Variants in NRXN1 observed in about 807,000 individuals in gnomAD.
NRXN1 encodes neurexin-1.
NRXN1 carries 39 observed loss-of-function variants against 150.9 expected under a neutral mutation model. The ratio of observed to expected loss-of-function variants is 0.26; its 90% confidence interval spans 0.20 to 0.34. The LOEUF is 0.34. NRXN1 is among the 10% of genes least tolerant of loss of function. NRXN1 has a pLI of 1.00. For synonymous variants in NRXN1, 924 were observed against 757.0 expected (o/e 1.22, Z -3.62); for missense variants, 1,815 against 1,949.9 (o/e 0.93, Z 1.30).
chr2:50,302,570 C>T (rs745308122), intron 17 of NRXN1, among the ~76,000 whole-genome samples: 144 of 152,206 alleles, frequency 9.5e-4, no homozygotes, highest in African/African-American at 1.5e-3. Flanking sequence ...ATTTGGAAAG[C>T]GTGTTGCAGT....
At chr2:50,676,711 A>G (rs1689597204) in intron 5 of NRXN1, among the ~76,000 whole-genome samples, 1 of 152,164 alleles carries the variant, frequency 6.6e-6, no homozygotes, top group Non-Finnish European at 1.5e-5. Context: ...ATCAGAATAT[A>G]TATAAGCACT....
chr2:50,953,467 C>A (rs545037187), intron 2 of NRXN1, among the ~76,000 whole-genome samples: 4 of 152,054 alleles, frequency 2.6e-5, no homozygotes, highest in African/African-American at 9.7e-5. Flanking sequence ...ACACATCATA[C>A]ATCATGTGAA....
chr2:49,997,130 G>A (rs17039606), intron 21 of NRXN1, among the ~76,000 whole-genome samples: 15,535 of 152,140 alleles, frequency 0.1, 845 homozygotes, highest in Middle Eastern at 0.21. Flanking sequence ...AACACAGTAC[G>A]TTTGAAATAC....
intron 15 of NRXN1, among the ~76,000 whole-genome samples, chr2:50,477,441 GGTTGGA>G (rs2090080531): frequency 6.6e-6 from 1 of 152,118 alleles, no homozygotes; most frequent in Non-Finnish European, 1.5e-5. Context: ...AGGGAACGGA[GGTTGGA>G]GCTTAGAGGC....
intron 5 of NRXN1, among the ~76,000 whole-genome samples, chr2:50,800,319 A>C (rs1397621182): frequency 1.3e-5 from 2 of 152,140 alleles, no homozygotes; most frequent in African/African-American, 4.8e-5. Flanking sequence ...TCCTCTATTC[A>C]CACCAGGTTA....
rs941359156 is a variant in NRXN1, at chr2:50,042,950, A to C, written c.4128+10321T>G. ...TAGTATTTTTCAAATGGAGAAGTGT[A>C]TCATTAACTAGATCACAGGTACAGT... On this transcript the variant is annotated intron_variant, in intron 21 of 22. Coordinates refer to ENST00000401669, the MANE Select transcript of NRXN1 (RefSeq NM_001330078.2). Among the ~76,000 whole-genome samples, 2 of 152,152 alleles carry C rather than the reference A, an allele frequency of 1.3e-5. 1 individual carries two copies. Among genetic ancestry groups the C allele is most frequent in the African/African-American group, 4.8e-5 (2 of 41,440 alleles).
At chr2:50,063,692 T>A (rs1352149349) in intron 19 of NRXN1, among the ~76,000 whole-genome samples, 1 of 152,142 alleles carries the variant, frequency 6.6e-6, no homozygotes, top group African/African-American at 2.4e-5. Context: ...TTCTACTTAA[T>A]GAATTCTTCC....
chr2:50,230,836 C>T (rs1298809217), intron 18 of NRXN1, among the ~76,000 whole-genome samples: 1 of 152,068 alleles, frequency 6.6e-6, no homozygotes, highest in African/African-American at 2.4e-5. Flanking sequence ...CTACCTCCCA[C>T]ATAATAAACT....
intron 5 of NRXN1, among the ~76,000 whole-genome samples, chr2:50,690,333 C>T (rs1198073026): frequency 2.6e-5 from 4 of 152,186 alleles, no homozygotes; most frequent in African/African-American, 9.6e-5. Flanking sequence ...TCCAGACATT[C>T]ATAAATATGG....
At chr2:50,423,977 G>A (rs924753896) in intron 17 of NRXN1, among the ~76,000 whole-genome samples, 55 of 152,112 alleles carry the variant, frequency 3.6e-4, no homozygotes, top group African/African-American at 1.3e-3. Context: ...ATTTACAGTG[G>A]AGAAAGAACA....
At chr2:50,263,464 C>G (rs2068517391) in intron 17 of NRXN1, among the ~76,000 whole-genome samples, 1 of 151,948 alleles carries the variant, frequency 6.6e-6, no homozygotes, top group South Asian at 2.1e-4. Context: ...ATATAGGTAG[C>G]TATTAGGTCT....
At chr2:50,207,579 T>C (rs1413909974) in intron 18 of NRXN1, 4 of 164,592 alleles carry the variant, frequency 2.4e-5, no homozygotes, top group Admixed American at 1.3e-4. Flanking sequence ...ATAATTTGCT[T>C]ATGATTCCGT....
Position 50,931,571 on chromosome 2 carries a change from A to G in NRXN1, c.773-5616T>C, listed in dbSNP as rs147471034. 4.6e-3 allele frequency among the ~76,000 whole-genome samples: 702 copies of G among 152,174 alleles called. 4 individuals carry two copies. Among genetic ancestry groups the G allele is most frequent in the African/African-American group, 0.016 (678 of 41,554 alleles). ...ATTTTATATTGTTATCTTCACTTCA[A>G]TAGGACCCTCACATATGTAACAAAC... is the stretch of plus-strand genomic sequence containing the variant. On this transcript the variant is annotated intron_variant, in intron 2 of 22. Coordinates refer to ENST00000401669, the MANE Select transcript of NRXN1 (RefSeq NM_001330078.2).
intron 8 of NRXN1, among the ~76,000 whole-genome samples, chr2:50,568,309 A>G (rs2105440849): frequency 6.6e-6 from 1 of 152,346 alleles, no homozygotes; most frequent in Middle Eastern, 3.4e-3. Context: ...ACATTAAGTT[A>G]CAAAGCTTCT....
chr2:50,384,505 C>CAAAAA (rs56052881), intron 17 of NRXN1, among the ~76,000 whole-genome samples: 31 of 55,954 alleles, frequency 5.5e-4, no homozygotes, highest in African/African-American at 1.5e-3. Context: ...GACTCCATCT[C>CAAAAA]AAAAAAAAAA....
At chr2:50,975,599 C>A (rs1180219993) in intron 2 of NRXN1, among the ~76,000 whole-genome samples, 1 of 152,182 alleles carries the variant, frequency 6.6e-6, no homozygotes, top group East Asian at 1.9e-4. Context: ...ATAGTATACT[C>A]TTGAAATATA....
intron 17 of NRXN1, among the ~76,000 whole-genome samples, chr2:50,448,827 G>A (rs749579951): frequency 2.0e-5 from 3 of 152,044 alleles, no homozygotes; most frequent in Non-Finnish European, 4.4e-5. Flanking sequence ...ACAGAAGCAC[G>A]TGGCTCCACA....
chr2:50,593,012 T>A, intron 8 of NRXN1, among the ~76,000 whole-genome samples: 1 of 152,218 alleles, frequency 6.6e-6, no homozygotes, highest in Non-Finnish European at 1.5e-5. Flanking sequence ...AAAAAGCCCC[T>A]GGCATAGGCC....
intron 21 of NRXN1, among the ~76,000 whole-genome samples, chr2:49,980,635 A>G (rs958060125): frequency 6.6e-6 from 1 of 152,150 alleles, no homozygotes; most frequent in African/African-American, 2.4e-5. Flanking sequence ...ATTAATGTGC[A>G]TAGAAGAAAT....
Sources: allele counts gnomAD v4.1 joint callset (sites outside exome capture counted in the v4.1 genomes callset), GRCh38; gene constraint gnomAD v4.1.1; transcripts MANE v1.5; gene names NCBI Gene and HGNC (gene_info 2026-07-23, HGNC 2026-07-21).